Variants in TENT2 observed in about 807,000 individuals in gnomAD.
The protein encoded by TENT2 is poly(A) RNA polymerase GLD2.
Under a neutral mutation model 72.2 loss-of-function variants are expected in TENT2, and 44 were observed. That is an observed-to-expected ratio of 0.61 (90% CI 0.48 to 0.78). The LOEUF (loss-of-function observed/expected upper bound fraction) is 0.78, where lower values mean the gene tolerates loss of function less well. TENT2 is among the 30% of genes least tolerant of loss of function. The probability of loss-of-function intolerance (pLI) is 0.00; values close to 1 mark genes in which losing one functional copy is unlikely to be tolerated. For missense variants in TENT2, 541 were observed against 569.6 expected, an observed-to-expected ratio of 0.95 and a Z score of 0.51; for synonymous variants, 212 against 192.5, an observed-to-expected ratio of 1.10 and a Z score of -0.84.
intron 12 of TENT2, among the ~76,000 whole-genome samples, chr5:79,670,626 G>A (rs1419513341): frequency 6.6e-6 from 1 of 151,736 alleles, no homozygotes; most frequent in Non-Finnish European, 1.5e-5. Context: ...CTCGGCCACG[G>A]AGCTTTCATT....
At chr5:79,636,008 G>C (rs1779860533) in intron 4 of TENT2, among the ~76,000 whole-genome samples, 1 of 152,166 alleles carries the variant, frequency 6.6e-6, no homozygotes, top group Non-Finnish European at 1.5e-5. Context: ...GTCCTCTGTT[G>C]CATATTCTTT....
chr5:79,674,748 AATAC>A (rs2150792474), intron 12 of TENT2, among the ~76,000 whole-genome samples: 1 of 152,330 alleles, frequency 6.6e-6, no homozygotes, highest in African/African-American at 2.4e-5. Context: ...AATTTTTCAT[AATAC>A]ATAGATGATA....
intron 6 of TENT2, among the ~76,000 whole-genome samples, chr5:79,641,941 T>A (rs1205606344): frequency 6.6e-6 from 1 of 152,016 alleles, no homozygotes; most frequent in Non-Finnish European, 1.5e-5. Context: ...GATTTCAGGT[T>A]TTTGGATTAG....
intron 8 of TENT2, among the ~76,000 whole-genome samples, chr5:79,648,231 C>T (rs1247230376): frequency 2.6e-5 from 4 of 151,978 alleles, no homozygotes; most frequent in Non-Finnish European, 4.4e-5. Flanking sequence ...TTGCTTGAGC[C>T]CAGGAGCTTG....
At chr5:79,671,821 G>A (rs530201884) in intron 12 of TENT2, among the ~76,000 whole-genome samples, 8 of 152,112 alleles carry the variant, frequency 5.3e-5, no homozygotes, top group East Asian at 3.9e-4. Context: ...TACTATTTTC[G>A]GCCGGGTGTG....
rs1763135395 is a variant in TENT2 at position 79,619,607 on chromosome 5, C to G, written c.-37-5C>G. 1 of 1,584,206 alleles carries G rather than the reference C, an allele frequency of 6.3e-7. No individual in the cohort carries two copies. The highest frequency in any genetic ancestry group is 1.2e-5 in the South Asian group (1 of 86,878). On this transcript the variant is annotated splice_region_variant and splice_polypyrimidine_tract_variant and intron_variant, in intron 1 of 14. Transcript: ENST00000453514. ...ATTTAATATTGTCTTTTTAAATTAT[C>G]CTAGGTAGAAGAATACATGTTCACT...
At chr5:79,643,717 A>G (rs1243699372) in intron 7 of TENT2, among the ~76,000 whole-genome samples, 4 of 152,222 alleles carry the variant, frequency 2.6e-5, no homozygotes, top group African/African-American at 9.6e-5. Context: ...AGAATAATTC[A>G]TACCTACTTG....
chr5:79,684,605 C>G (rs1438102855), intron 14 of TENT2, among the ~76,000 whole-genome samples: 1 of 152,200 alleles, frequency 6.6e-6, no homozygotes, highest in Non-Finnish European at 1.5e-5. Flanking sequence ...GTAAGACAGT[C>G]AATCAAATAA....
chr5:79,680,683 TTCA>T (rs1469596398), intron 13 of TENT2, among the ~76,000 whole-genome samples: 2 of 152,202 alleles, frequency 1.3e-5, no homozygotes, highest in Non-Finnish European at 2.9e-5. Flanking sequence ...TACCAACAAC[TTCA>T]TTCTTTCTGC....
intron 12 of TENT2, among the ~76,000 whole-genome samples, chr5:79,671,827 G>A (rs1264079724): frequency 3.9e-5 from 6 of 152,128 alleles, no homozygotes; most frequent in African/African-American, 1.4e-4. Context: ...TTTCGGCCGG[G>A]TGTGGTGGCT....
At chr5:79,631,527 G>C (rs577864907) in intron 4 of TENT2, among the ~76,000 whole-genome samples, 1 of 152,182 alleles carries the variant, frequency 6.6e-6, no homozygotes, top group Non-Finnish European at 1.5e-5. Context: ...CATACAGATG[G>C]TAATTGAAGC....
intron 4 of TENT2, among the ~76,000 whole-genome samples, chr5:79,634,959 C>T (rs146771796): frequency 3.3e-5 from 5 of 151,904 alleles, no homozygotes; most frequent in Admixed American, 1.3e-4. Flanking sequence ...CTGATACTAC[C>T]GGCATTTGCC....
intron 8 of TENT2, among the ~76,000 whole-genome samples, chr5:79,648,116 A>C (rs963748731): frequency 6.6e-6 from 1 of 152,136 alleles, no homozygotes; most frequent in African/African-American, 2.4e-5. Flanking sequence ...GTTTTTGGTC[A>C]CATAGTTTTG....
rs1826249066 is a variant in TENT2 at position 79,686,991 on chromosome 5, C to T, written c.*1718C>T. On this transcript the variant is annotated 3_prime_UTR_variant, in exon 15 of 15. Transcript: ENST00000453514. ...CATAGTACTATTCAGTAATACTGTG[C>T]AACTTTCAGGGATGGGTAAGTATGT... Among the ~76,000 whole-genome samples, 1 of 152,104 alleles carries T rather than the reference C, an allele frequency of 6.6e-6. No individual in the cohort carries two copies. The highest frequency in any genetic ancestry group is 2.4e-5 in the African/African-American group (1 of 41,426).
chr5:79,657,113 A>G (rs1396863600), intron 11 of TENT2, 112 bp downstream of exon 11: 2 of 634,336 alleles, frequency 3.2e-6, no homozygotes, highest in Admixed American at 3.1e-5. Context: ...ACATGATAAC[A>G]TTTTCTATAT....
intron 11 of TENT2, among the ~76,000 whole-genome samples, chr5:79,663,474 C>G (rs1374284890): frequency 6.6e-6 from 1 of 151,992 alleles, no homozygotes; most frequent in Non-Finnish European, 1.5e-5. Flanking sequence ...ACTTGGTCGG[C>G]CATTGTAGAG....
intron 1 of TENT2, chr5:79,615,137 G>C (rs1758607063): frequency 1.3e-5 from 2 of 152,302 alleles, no homozygotes; most frequent in South Asian, 4.1e-4. Flanking sequence ...TTCTGCCCTA[G>C]ACTAAACATC....
chr5:79,684,726 G>C (rs1355453967), intron 14 of TENT2, among the ~76,000 whole-genome samples: 8 of 152,144 alleles, frequency 5.3e-5, no homozygotes, highest in African/African-American at 1.7e-4. Context: ...GTATCTTTCA[G>C]TACCACCTAT....
intron 8 of TENT2, among the ~76,000 whole-genome samples, chr5:79,647,692 C>T (rs1436818934): frequency 1.3e-5 from 2 of 152,072 alleles, no homozygotes; most frequent in African/African-American, 2.4e-5. Flanking sequence ...TTATTTTAGA[C>T]AGTCTTTTCA....
Sources: gnomAD v4.1 joint callset for allele counts (sites outside exome capture counted in the v4.1 genomes callset) on GRCh38, gnomAD v4.1.1 for gene constraint, MANE v1.5 for transcripts, NCBI Gene and HGNC (gene_info 2026-07-23, HGNC 2026-07-21) for gene names.